ANKRD36: variants seen among roughly 807,000 people sequenced by gnomAD.
ANKRD36 encodes the protein ankyrin repeat domain-containing protein 36A.
ANKRD36 carries 179 observed loss-of-function variants against 278.1 expected under a neutral mutation model. The ratio of observed to expected loss-of-function variants is 0.64; its 90% CI spans 0.57 to 0.73. The LOEUF (loss-of-function observed/expected upper bound fraction) is 0.73, where lower values mean the gene tolerates loss of function less well. Ranked by LOEUF, ANKRD36 falls within the 30% of genes least tolerant of loss-of-function variation. ANKRD36 has a pLI of 0.00. For synonymous variants in ANKRD36, 320 were observed against 641.1 expected (o/e 0.50, Z 7.57); for missense variants, 1,159 against 1,956.7 (o/e 0.59, Z 7.69).
chr2:97,230,190 G>C (rs1191473993), intron 67 of ANKRD36, among the ~76,000 whole-genome samples: 3 of 152,116 alleles, frequency 2.0e-5, no homozygotes, highest in African/African-American at 7.2e-5. Flanking sequence ...GGCCTGCCTT[G>C]CTAGATTGGG....
intron 1 of ANKRD36, among the ~76,000 whole-genome samples, chr2:97,116,571 G>A (rs1458073563): frequency 1.3e-5 from 2 of 151,986 alleles, no homozygotes; most frequent in East Asian, 3.9e-4. Context: ...ACTGTGCCTG[G>A]CCTTATTTTT....
intron 66 of ANKRD36, among the ~76,000 whole-genome samples, chr2:97,220,934 G>C (rs28874632): frequency 0.099 from 6,867 of 69,350 alleles, 358 homozygotes; most frequent in East Asian, 0.39. Flanking sequence ...CCCCTCCCCC[G>C]ACCCCACCAC....
rs2058875447 is a variant in ANKRD36, at chr2:97,192,994, AG to A, written c.2392del (p.Glu798LysfsTer5). 1.3e-6 allele frequency: 2 copies of A among 1,580,446 alleles called. No individual in the cohort carries two copies. Among genetic ancestry groups the A allele is most frequent in the Non-Finnish European group, 1.7e-6 (2 of 1,163,034 alleles). ...KPPALTATSD[E>X]EGSVLSIARE... ...AATTCCATTCAGGCTACAAGTGACG[AG>A]GAAGGTTCTGTTTTGAGTATAGCCA... On this transcript the variant is annotated frameshift_variant, in exon 38 of 76. Coordinates refer to ENST00000420699, the MANE Select transcript of ANKRD36 (RefSeq NM_001354587.1). LOFTEE classifies it high-confidence loss of function.
chr2:97,207,789 A>T, intron 52 of ANKRD36, 22 bp from the exon 53 acceptor site: 1 of 1,545,344 alleles, frequency 6.5e-7, no homozygotes, highest in South Asian at 1.2e-5. Flanking sequence ...ATGAGTGATT[A>T]TGAATCCCTT....
chr2:97,218,129 C>T (rs1200391639), intron 64 of ANKRD36, among the ~76,000 whole-genome samples: 1 of 150,094 alleles, frequency 6.7e-6, no homozygotes, highest in Non-Finnish European at 1.5e-5. Context: ...TAGTTTTTTT[C>T]CAAAGTGCTG....
intron 46 of ANKRD36, among the ~76,000 whole-genome samples, chr2:97,201,966 C>A (rs371563138): frequency 6.6e-6 from 1 of 151,788 alleles, no homozygotes; most frequent in African/African-American, 2.4e-5. Flanking sequence ...TTTTAGTTTT[C>A]GACATATGAG....
intron 6 of ANKRD36, among the ~76,000 whole-genome samples, chr2:97,142,081 A>G (rs993223251): frequency 1.0e-4 from 16 of 152,398 alleles, no homozygotes; most frequent in Middle Eastern, 3.4e-3. Flanking sequence ...AATACTGTCT[A>G]CTAGGATTCA....
At chr2:97,150,702 C>CCTGTGTT (rs373668100) in intron 12 of ANKRD36, among the ~76,000 whole-genome samples, 1 of 105,792 alleles carries the variant, frequency 9.5e-6, no homozygotes, top group African/African-American at 3.6e-5. Flanking sequence ...GTGGATACAG[C>CCTGTGTT]CTAATATCTT....
At position 97,202,425 on chromosome 2, in the gene ANKRD36, C is replaced by G. The variant is rs540130665; in HGVS notation, c.2959+32C>G. The G allele has an allele frequency of 1.6e-5, 24 of 1,543,304 alleles. No individual in the cohort carries two copies. The African/African-American group carries it at 2.6e-4, about 17-fold the overall frequency. On this transcript the variant is annotated intron_variant, in intron 48 of 75. Transcript: ENST00000420699. The stretch of plus-strand genomic sequence containing the variant: ...TTGAAAACAGATTTAATGTCATGTT[C>G]AGTCCAGGTAGATAAGAAGTTCTCT...
Position 97,194,844 on chromosome 2 carries a change from G to C in ANKRD36, c.2479-1G>C. On this transcript the variant is annotated splice_acceptor_variant, in intron 39 of 75. Coordinates refer to ENST00000420699, the MANE Select transcript of ANKRD36 (RefSeq NM_001354587.1). LOFTEE classifies it high-confidence loss of function. ...ATTATTTTGTTTCAAATTCCACTCA[G>C]GCTACAAGTGATGAGAAGGATTCTT... 1 of 1,591,834 alleles carries C rather than the reference G, an allele frequency of 6.3e-7. No individual in the cohort carries two copies. Among genetic ancestry groups the C allele is most frequent in the Non-Finnish European group, 8.5e-7 (1 of 1,173,918 alleles).
intron 68 of ANKRD36, among the ~76,000 whole-genome samples, chr2:97,235,304 T>C (rs1478400190): frequency 6.6e-6 from 1 of 151,042 alleles, no homozygotes; most frequent in Non-Finnish European, 1.5e-5. Context: ...CCTGCCTTTG[T>C]CAGTCATAAG....
rs540424335 is a variant in ANKRD36 at position 97,198,594 on chromosome 2, T to A, written c.2691T>A (p.Ser897Arg). The A allele has an allele frequency of 7.7e-5, 119 of 1,547,628 alleles. 6 individuals are homozygous for A. In the South Asian group the frequency reaches 1.3e-3, roughly 17 times the overall value. ...SEKPPGLKAS[S>R]AEKDSVLNIA... is the part of the protein sequence containing the mutation. ...TTTCAAATTCCATTCAGGCTTCAAG[T>A]GCCGAGAAAGATTCTGTTTTGAATA... The change falls in exon 44 of 76, where the codon AGT (serine) becomes AGA (arginine). Residue 897 changes from serine (S) to arginine (R), a missense_variant. Coordinates refer to ENST00000420699, the MANE Select transcript of ANKRD36 (RefSeq NM_001354587.1).
intron 50 of ANKRD36, 50 bp from the exon 51 acceptor site, chr2:97,205,890 T>C: frequency 1.3e-6 from 2 of 1,514,524 alleles, no homozygotes; most frequent in Non-Finnish European, 8.9e-7. Flanking sequence ...TGTATGGATA[T>C]CTTTATCATA....
At chr2:97,183,362 G>C in intron 26 of ANKRD36, 97 bp from the exon 27 acceptor site, 1 of 1,383,264 alleles carries the variant, frequency 7.2e-7, no homozygotes, top group Non-Finnish European at 9.7e-7. Flanking sequence ...CACTAGTGCA[G>C]GCAGGAGGAT....
chr2:97,114,458 A>G (rs2034644664), intron 1 of ANKRD36, among the ~76,000 whole-genome samples: 1 of 133,070 alleles, frequency 7.5e-6, no homozygotes, highest in Non-Finnish European at 1.6e-5. Context: ...CAGCAAAACA[A>G]AAACAAAACT....
At position 97,192,857 on chromosome 2, in the gene ANKRD36, G is replaced by T. The variant is rs765950390; in HGVS notation, c.2348-1G>T. ...GATTATGTATCCCTTTTGCTTTTCA[G>T]TGTCTTCTCAGAAACCACCAGCCTT... is the stretch of plus-strand genomic sequence containing the variant. On this transcript the variant is annotated splice_acceptor_variant, in intron 36 of 75. Transcript: ENST00000420699. LOFTEE classifies it high-confidence loss of function. 1.2e-6 allele frequency: 2 copies of T among 1,602,984 alleles called. No individual in the cohort carries two copies. The highest frequency in any genetic ancestry group is 1.3e-5 in the African/African-American group (1 of 74,610).
chr2:97,204,169 T>C lies in ANKRD36; in HGVS notation c.2989-22T>C, dbSNP rs759950942. 3 of 1,577,558 alleles carry C rather than the reference T, an allele frequency of 1.9e-6. No homozygotes were observed. The African/African-American group carries it at 4.1e-5, about 22-fold the overall frequency. The stretch of plus-strand genomic sequence containing the variant: ...CGAAACATACTTTATTAATTTATTA[T>C]TTCATTTCAAATTCCATTCAGGCTA... On this transcript the variant is annotated intron_variant, in intron 49 of 75. Coordinates refer to ENST00000420699, the MANE Select transcript of ANKRD36 (RefSeq NM_001354587.1).
intron 1 of ANKRD36, among the ~76,000 whole-genome samples, chr2:97,117,197 G>GA (rs1015111457): frequency 6.0e-4 from 90 of 151,202 alleles, no homozygotes; most frequent in African/African-American, 2.1e-3. Context: ...TGTAAGTATT[G>GA]AAAAAAATGG....
chr2:97,172,591 C>CT (rs1314768351), intron 22 of ANKRD36, among the ~76,000 whole-genome samples: 1 of 152,026 alleles, frequency 6.6e-6, no homozygotes, highest in Non-Finnish European at 1.5e-5. Flanking sequence ...TGTCCTGACT[C>CT]TGAGAAAATC....
Sources: allele counts gnomAD v4.1 joint callset (sites outside exome capture counted in the v4.1 genomes callset), GRCh38; gene constraint gnomAD v4.1.1; transcripts MANE v1.5; gene names NCBI Gene and HGNC (gene_info 2026-07-23, HGNC 2026-07-21).